Variants in NCOA3 observed in about 807,000 individuals in gnomAD.
NCOA3 encodes the protein nuclear receptor coactivator 3, also known as CBP-interacting protein.
In NCOA3, 51 loss-of-function variants were observed where a neutral mutation model predicts 158.8. The ratio of observed to expected loss-of-function variants is 0.32; its 90% CI spans 0.26 to 0.41. The LOEUF (loss-of-function observed/expected upper bound fraction) is 0.41. NCOA3 is among the 10% of genes least tolerant of loss of function. The pLI, the probability that NCOA3 is intolerant of heterozygous loss-of-function variation, is 1.00. For synonymous variants in NCOA3, 537 were observed against 592.4 expected (o/e 0.91, Z 1.36); for missense variants, 1,510 against 1,746.6 (o/e 0.86, Z 2.41).
intron 2 of NCOA3, among the ~76,000 whole-genome samples, chr20:47,583,883 A>G (rs903244317): frequency 1.3e-5 from 2 of 152,104 alleles, no homozygotes; most frequent in Non-Finnish European, 2.9e-5. Flanking sequence ...TGTGCCCATG[A>G]GGTTGAGGCT....
intron 13 of NCOA3, 114 bp downstream of exon 13, chr20:47,637,897 T>C (rs2086542166): frequency 4.3e-6 from 4 of 925,370 alleles, no homozygotes; most frequent in Non-Finnish European, 6.0e-6. Flanking sequence ...CTTCAGAACA[T>C]ATATTCTGCC....
At chr20:47,589,945 A>T (rs72645218) in intron 2 of NCOA3, among the ~76,000 whole-genome samples, 103 of 134,326 alleles carry the variant, frequency 7.7e-4, no homozygotes, top group Middle Eastern at 4.0e-3. Context: ...TTTTAAAAAA[A>T]TTTTTTAATT....
intron 2 of NCOA3, among the ~76,000 whole-genome samples, chr20:47,595,130 A>C (rs1602456745): frequency 2.3e-5 from 3 of 130,982 alleles, no homozygotes; most frequent in Non-Finnish European, 3.2e-5. Context: ...AGACACTCTC[A>C]CTCTGTCACC....
intron 1 of NCOA3, among the ~76,000 whole-genome samples, chr20:47,514,645 C>T (rs1386293133): frequency 1.3e-5 from 2 of 151,284 alleles, no homozygotes; most frequent in Non-Finnish European, 2.9e-5. Flanking sequence ...TGGCCCACCT[C>T]GGCCTCCCAA....
At chr20:47,548,515 G>T (rs2084871212) in intron 1 of NCOA3, among the ~76,000 whole-genome samples, 1 of 151,984 alleles carries the variant, frequency 6.6e-6, no homozygotes, top group South Asian at 2.1e-4. Context: ...CTGCACTCCA[G>T]CCTGGGTGGC....
chr20:47,562,650 T>A (rs1316528489), intron 1 of NCOA3, among the ~76,000 whole-genome samples: 1 of 152,176 alleles, frequency 6.6e-6, no homozygotes, highest in African/African-American at 2.4e-5. Flanking sequence ...GGCCTAGGAA[T>A]GTATATAAAT....
rs2086858058 is a variant in NCOA3, at chr20:47,655,565, T to TCTA, written c.*2149_*2151dup. The TCTA allele has an allele frequency of 1.3e-5, 2 of 152,578 alleles. No homozygotes were observed. Among genetic ancestry groups the TCTA allele is most frequent in the African/African-American group, 4.8e-5 (2 of 41,432 alleles). The allele number at this position is 152,578 out of a possible 1,614,324, so 9.5% of individuals were successfully genotyped here. On this transcript the variant is annotated 3_prime_UTR_variant, in exon 23 of 23. Coordinates refer to ENST00000371998, the MANE Select transcript of NCOA3 (RefSeq NM_181659.3). ...TTTCCCCTACCAAGTTCAAAATATA[T>TCTA]CTAAGAAAGATTGTAAATCCGAAAA...
chr20:47,570,387 G>A (rs2085272512), intron 1 of NCOA3, among the ~76,000 whole-genome samples: 1 of 152,230 alleles, frequency 6.6e-6, no homozygotes, highest in Non-Finnish European at 1.5e-5. Context: ...GCCTCAGTGA[G>A]CTGTGGTACG....
rs768342979 is a variant in NCOA3 at position 47,594,788 on chromosome 20, A to ATT, written c.-20+11547_-20+11548dup. On this transcript the variant is annotated intron_variant, in intron 2 of 22. Transcript: ENST00000371998. ...AAGGCTGAGGTGGGCAGAATACCTGATTTTTTTTTTTTTTTTTTTTTGGAG... is the reference window on the plus strand; with the variant it reads ...AAGGCTGAGGTGGGCAGAATACCTGATTTTTTTTTTTTTTTTTTTTTTTGGAG... Among the ~76,000 whole-genome samples the ATT allele has an allele frequency of 8.1e-3, 826 of 102,430 alleles. 21 individuals carry two copies. Among genetic ancestry groups the ATT allele is most frequent in the Non-Finnish European group, 0.012 (627 of 54,120 alleles). The allele number at this position is 102,430 out of a possible 152,430, so 67.2% of individuals were successfully genotyped here. A position where few individuals can be genotyped will look rare whatever the true frequency, so the allele number is the denominator to read the frequency against.
At position 47,651,229 on chromosome 20, in the gene NCOA3, C is replaced by T. The variant is rs750367237; in HGVS notation, c.3899C>T (p.Thr1300Ile). The stretch of plus-strand genomic sequence containing the variant: ...ATGGATGGGCTTTTGGCAGGACCCA[C>T]AATGCCACAAGCTCCTCCGCAACAG... Reference protein sequence around the residue: ...PSMDGLLAGPTMPQAPPQQFP... With the variant: ...PSMDGLLAGPIMPQAPPQQFP... The change falls in exon 20 of 23, where the codon ACA becomes ATA. Residue 1300 changes from threonine (T) to isoleucine (I), a missense_variant. This residue lies in a region of NCOA3 where 180 missense variants were observed against 199.3 expected (regional missense o/e 0.90). Transcript: ENST00000371998. The T allele has an allele frequency of 5.0e-6, 8 of 1,613,510 alleles. No individual in the cohort carries two copies. The Admixed American group carries it at 1.0e-4, about 20-fold the overall frequency.
intron 1 of NCOA3, among the ~76,000 whole-genome samples, chr20:47,550,643 T>C (rs565993047): frequency 6.6e-6 from 1 of 152,240 alleles, no homozygotes; most frequent in South Asian, 2.1e-4. Context: ...AAACATAATT[T>C]TTGATGGTAG....
intron 1 of NCOA3, among the ~76,000 whole-genome samples, chr20:47,582,894 A>G (rs1001711928): frequency 6.6e-6 from 1 of 152,216 alleles, no homozygotes; most frequent in South Asian, 2.1e-4. Flanking sequence ...TCCCAGGTTC[A>G]AGTGATTCTC....
intron 1 of NCOA3, among the ~76,000 whole-genome samples, chr20:47,537,557 A>G (rs2084655040): frequency 1.3e-5 from 2 of 151,762 alleles, no homozygotes; most frequent in African/African-American, 2.4e-5. Context: ...ATGACCACCT[A>G]TAAAAACCAA....
At chr20:47,571,954 C>T (rs997226325) in intron 1 of NCOA3, among the ~76,000 whole-genome samples, 2 of 152,126 alleles carry the variant, frequency 1.3e-5, no homozygotes, top group Non-Finnish European at 2.9e-5. Context: ...TCTCTAATTC[C>T]TGGACTCAAG....
chr20:47,570,633 A>T (rs1274602953), intron 1 of NCOA3, among the ~76,000 whole-genome samples: 1 of 151,970 alleles, frequency 6.6e-6, no homozygotes, highest in East Asian at 1.9e-4. Flanking sequence ...TCAGACTCCT[A>T]TTTGTGTTGA....
Position 47,647,491 on chromosome 20 carries a change from C to A in NCOA3, c.3546+125C>A. 3.4e-6 allele frequency: 3 copies of A among 879,938 alleles called. No homozygotes were observed. In the South Asian group the frequency reaches 5.4e-5, roughly 16 times the overall value. The allele number at this position is 879,938 out of a possible 1,614,324, so 54.5% of individuals were successfully genotyped here. A position where few individuals can be genotyped will look rare whatever the true frequency, so the allele number is the denominator to read the frequency against. On this transcript the variant is annotated intron_variant, in intron 18 of 22. Coordinates refer to ENST00000371998, the MANE Select transcript of NCOA3 (RefSeq NM_181659.3). ...TAAAGAAATTCTTTTTGTTTTACTTCTGTGTAAGGTTTTATTTGTACAAAT... is the reference window on the plus strand; with the variant it reads ...TAAAGAAATTCTTTTTGTTTTACTTATGTGTAAGGTTTTATTTGTACAAAT...
chr20:47,635,287 A>G (rs1239640211), intron 10 of NCOA3, 35 bp from the exon 11 acceptor site: 8 of 1,531,480 alleles, frequency 5.2e-6, no homozygotes, highest in Non-Finnish European at 1.8e-6. Context: ...GCATGCTTAG[A>G]ATTTTTTAGT....
At position 47,647,258 on chromosome 20, in the gene NCOA3, C is replaced by A; in HGVS notation, c.3438C>A (p.Gly1146=). 1 of 1,614,168 alleles carries A rather than the reference C, an allele frequency of 6.2e-7. No individual in the cohort carries two copies. Among genetic ancestry groups the A allele is most frequent in the Non-Finnish European group, 8.5e-7 (1 of 1,180,026 alleles). The change falls in exon 18 of 23, where the codon GGC becomes GGA. Residue 1146 remains glycine (G), a synonymous_variant. Coordinates refer to ENST00000371998, the MANE Select transcript of NCOA3 (RefSeq NM_181659.3). ...NSMMNQMNQQ[G]NFPLQGMHPR... is the part of the protein sequence containing the mutation. Reference sequence around the variant, plus strand: ...TGATGAATCAGATGAACCAGCAAGGCAATTTTCCTCTCCAAGGAATGCACC... The same window carrying A: ...TGATGAATCAGATGAACCAGCAAGGAAATTTTCCTCTCCAAGGAATGCACC...
At chr20:47,516,656 C>T (rs1375867276) in intron 1 of NCOA3, among the ~76,000 whole-genome samples, 2 of 152,128 alleles carry the variant, frequency 1.3e-5, no homozygotes, top group Non-Finnish European at 2.9e-5. Flanking sequence ...TGCAGTGGCT[C>T]AAGCCTGTAA....
Sources: allele counts gnomAD v4.1 joint callset (sites outside exome capture counted in the v4.1 genomes callset), GRCh38; gene constraint gnomAD v4.1.1; regional missense constraint gnomAD v4.1.1; transcripts MANE v1.5; gene names NCBI Gene and HGNC (gene_info 2026-07-23, HGNC 2026-07-21).